ADAM19: variants seen among roughly 807,000 people sequenced by gnomAD.
ADAM19 encodes disintegrin and metalloproteinase domain-containing protein 19.
Under a neutral mutation model 114.7 loss-of-function variants are expected in ADAM19, and 65 were observed. The observed-to-expected ratio is 0.57, with a 90% CI of 0.46 to 0.70. The LOEUF (loss-of-function observed/expected upper bound fraction) is 0.70. Among genes scored for constraint, ADAM19 ranks in the 30% least tolerant of loss-of-function variants. The pLI, the probability that ADAM19 is intolerant of heterozygous loss-of-function variation, is 0.00. For missense variants in ADAM19, 1,063 were observed against 1,204.7 expected, an observed-to-expected ratio of 0.88 and a Z score of 1.74; for synonymous variants, 466 against 460.5, an observed-to-expected ratio of 1.01 and a Z score of -0.15.
chr5:157,554,311 G>A (rs922756830), intron 3 of ADAM19, among the ~76,000 whole-genome samples: 10 of 152,170 alleles, frequency 6.6e-5, no homozygotes, highest in Admixed American at 3.9e-4. Context: ...ATTTTACCCC[G>A]TGCTCCTGCT....
At position 157,481,923 on chromosome 5, in the gene ADAM19, C is replaced by T. The variant is rs758375371; in HGVS notation, c.2571G>A (p.Pro857=). The change falls in exon 22 of 23, where the codon CCG becomes CCA. Residue 857 remains proline (P), a synonymous_variant. Coordinates refer to ENST00000257527, the MANE Select transcript of ADAM19 (RefSeq NM_033274.5). ...IVSQDFSRPR[P]PQKALPANPV... ...GGTTTGCCGGGAGTGCCTTCTGGGG[C>T]GGCCGAGGCCTGGAGAAGTCCTGGA... 8.1e-6 allele frequency: 13 copies of T among 1,603,948 alleles called. No homozygotes were observed. The highest frequency in any genetic ancestry group is 1.7e-4 in the Middle Eastern group (1 of 6,048).
intron 4 of ADAM19, among the ~76,000 whole-genome samples, chr5:157,535,537 G>A (rs1756739158): frequency 1.3e-5 from 2 of 152,242 alleles, no homozygotes; most frequent in Non-Finnish European, 1.5e-5. Flanking sequence ...AGCAGGGGAT[G>A]TAAGCAAACA....
intron 12 of ADAM19, among the ~76,000 whole-genome samples, chr5:157,500,228 C>T (rs1755518027): frequency 1.3e-5 from 2 of 152,036 alleles, no homozygotes; most frequent in African/African-American, 2.4e-5. Flanking sequence ...CCTTCTCCTC[C>T]TAGGTTCAAG....
At chr5:157,525,612 T>C (rs908545368) in intron 5 of ADAM19, among the ~76,000 whole-genome samples, 2 of 151,962 alleles carry the variant, frequency 1.3e-5, no homozygotes, top group African/African-American at 4.8e-5. Flanking sequence ...TTAGCCACCT[T>C]TTGGATAGAG....
In ADAM19 at chr5:157,481,892, G is replaced by T. The variant is rs1754763880; in HGVS notation, c.2602C>A (p.Pro868Thr). 1 of 1,603,698 alleles carries T rather than the reference G, an allele frequency of 6.2e-7. No individual in the cohort carries two copies. Among genetic ancestry groups the T allele is most frequent in the Non-Finnish European group, 8.5e-7 (1 of 1,175,030 alleles). ...GGCCTGGGGAGGCTCCTGCGGCCTGGCACTGGGTTTGCCGGGAGTGCCTTC... is the reference window on the plus strand; with the variant it reads ...GGCCTGGGGAGGCTCCTGCGGCCTGTCACTGGGTTTGCCGGGAGTGCCTTC... ...PQKALPANPV[P>T]GRRSLPRPGG... is the part of the protein sequence containing the mutation. The change falls in exon 22 of 23, where the codon CCA becomes ACA. Residue 868 changes from proline (P) to threonine (T), a missense_variant. By Grantham distance (38) the Pro-to-Thr change is conservative. This residue lies in a region of ADAM19 where 424 missense variants were observed against 445.5 expected (regional missense o/e 0.95). Transcript: ENST00000257527.
chr5:157,533,569 G>A (rs1244718745), intron 4 of ADAM19, among the ~76,000 whole-genome samples: 1 of 152,170 alleles, frequency 6.6e-6, no homozygotes, highest in Non-Finnish European at 1.5e-5. Flanking sequence ...GGAGAAGAGG[G>A]GCCGGGCCTG....
chr5:157,565,489 C>A (rs1290131072), intron 2 of ADAM19, among the ~76,000 whole-genome samples: 2 of 152,042 alleles, frequency 1.3e-5, no homozygotes, highest in East Asian at 1.9e-4. Flanking sequence ...GAGGCCGAGG[C>A]AGGCAGATCA....
At chr5:157,494,664 G>A (rs2113702967) in intron 15 of ADAM19, 23 bp downstream of exon 15, 1 of 1,601,638 alleles carries the variant, frequency 6.2e-7, no homozygotes, top group Non-Finnish European at 8.5e-7. Context: ...CTCATTTCAT[G>A]AGGCCTGCCC....
intron 3 of ADAM19, among the ~76,000 whole-genome samples, chr5:157,555,406 G>A (rs530382253): frequency 2.6e-5 from 4 of 152,190 alleles, no homozygotes; most frequent in Non-Finnish European, 5.9e-5. Context: ...CAGAGCATCA[G>A]AGAACATGAC....
chr5:157,538,113 T>C (rs1756815151), intron 3 of ADAM19, 122 bp from the exon 4 acceptor site: 10 of 653,266 alleles, frequency 1.5e-5, no homozygotes, highest in Non-Finnish European at 2.6e-5. Flanking sequence ...CAAAAGAAAC[T>C]AGGCAGCCAC....
In ADAM19 at chr5:157,481,941, G is replaced by C; in HGVS notation, c.2553C>G (p.Asp851Glu). The change falls in exon 22 of 23, where the codon GAC becomes GAG. Residue 851 changes from aspartate to glutamate, a missense_variant and splice_region_variant. Coordinates refer to ENST00000257527, the MANE Select transcript of ADAM19 (RefSeq NM_033274.5). ...TCTGGGGCGGCCGAGGCCTGGAGAA[G>C]TCCTGGAGAGAAAGCAATAAGCCTC... is the stretch of plus-strand genomic sequence containing the variant. The part of the protein sequence containing the change: ...PPAPNCIVSQ[D>E]FSRPRPPQKA... 3 of 1,588,754 alleles carry C rather than the reference G, an allele frequency of 1.9e-6. No homozygotes were observed. The highest frequency in any genetic ancestry group is 2.6e-6 in the Non-Finnish European group (3 of 1,167,288).
intron 21 of ADAM19, among the ~76,000 whole-genome samples, chr5:157,486,942 C>T (rs895171835): frequency 1.6e-4 from 24 of 152,230 alleles, no homozygotes; most frequent in African/African-American, 4.1e-4. Context: ...GAGAGTTGGA[C>T]AGGCAGACAC....
intron 13 of ADAM19, 115 bp downstream of exon 13, chr5:157,499,458 G>T: frequency 1.2e-6 from 1 of 862,608 alleles, no homozygotes; most frequent in Non-Finnish European, 1.9e-6. Flanking sequence ...CTGAAACTCT[G>T]TTGCCATCAC....
intron 21 of ADAM19, among the ~76,000 whole-genome samples, chr5:157,484,117 A>G (rs1754851216): frequency 6.6e-6 from 1 of 152,026 alleles, no homozygotes; most frequent in Non-Finnish European, 1.5e-5. Context: ...CACCATCTCC[A>G]CAAGGCTTTG....
chr5:157,571,254 G>T (rs745544557), intron 1 of ADAM19, among the ~76,000 whole-genome samples: 3 of 152,192 alleles, frequency 2.0e-5, no homozygotes, highest in Non-Finnish European at 4.4e-5. Flanking sequence ...ATAAGTTGGG[G>T]TCATGGAGTA....
chr5:157,561,632 G>A (rs1158812472), intron 3 of ADAM19, among the ~76,000 whole-genome samples: 1 of 151,934 alleles, frequency 6.6e-6, no homozygotes, highest in Non-Finnish European at 1.5e-5. Flanking sequence ...TACCCATATG[G>A]CTCACTCCAT....
intron 4 of ADAM19, 45 bp from the exon 5 acceptor site, chr5:157,530,928 G>T: frequency 1.3e-6 from 2 of 1,505,908 alleles, no homozygotes; most frequent in Non-Finnish European, 1.8e-6. Context: ...ACACTGATAA[G>T]CATGGCAATG....
At chr5:157,534,126 T>G (rs1026933590) in intron 4 of ADAM19, among the ~76,000 whole-genome samples, 3 of 152,136 alleles carry the variant, frequency 2.0e-5, no homozygotes, top group Admixed American at 1.3e-4. Context: ...TTACAGAGCT[T>G]TCACATACAC....
At chr5:157,555,082 A>C (rs949991787) in intron 3 of ADAM19, among the ~76,000 whole-genome samples, 3 of 152,256 alleles carry the variant, frequency 2.0e-5, no homozygotes, top group Admixed American at 6.5e-5. Flanking sequence ...GAGAGGCAAT[A>C]TACTGCCCCA....
Sources: gnomAD v4.1 joint callset for allele counts (sites outside exome capture counted in the v4.1 genomes callset) on GRCh38, gnomAD v4.1.1 for gene constraint, gnomAD v4.1.1 regional missense constraint, MANE v1.5 for transcripts, NCBI Gene and HGNC (gene_info 2026-07-23, HGNC 2026-07-21) for gene names.